FLG: variants seen among roughly 807,000 people sequenced by gnomAD.
The protein encoded by FLG is filaggrin.
FLG carries 6 observed loss-of-function variants against 3.8 expected under a neutral mutation model. That is an observed-to-expected ratio of 1.60 (90% CI 0.87 to 3.15). FLG has a LOEUF of 3.15. Ranked by LOEUF, FLG falls within the 30% of genes most tolerant of loss-of-function variation. The probability of loss-of-function intolerance (pLI) is 0.00; values close to 1 mark genes in which losing one functional copy is unlikely to be tolerated. For synonymous variants in FLG, 2,551 were observed against 1,931.6 expected (o/e 1.32, Z -8.41); for missense variants, 7,595 against 5,050.9 (o/e 1.50, Z -15.27).
chr1:152,304,806 C>G lies in FLG; in HGVS notation c.10080G>C (p.Gln3360His). ...SDTQSVSGHG[Q>H]AGPHQQSHQE... ...GGTGGCTCTGCTGATGGGGCCCAGC[C>G]TGTCCATGGCCTGACACTGACTGTG... The change falls in exon 3 of 3, where the codon CAG becomes CAC. Residue 3360 changes from glutamine (Q) to histidine (H), a missense_variant. By Grantham distance (24) the Gln-to-His change is conservative (BLOSUM62 0). Transcript: ENST00000368799. The G allele has an allele frequency of 6.2e-7, 1 of 1,613,946 alleles. No individual in the cohort carries two copies.
At position 152,308,016 on chromosome 1, in the gene FLG, G is replaced by C. The variant is rs111307972; in HGVS notation, c.6870C>G (p.Ala2290=). The C allele has an allele frequency of 6.2e-7, 1 of 1,614,018 alleles. No individual in the cohort carries two copies. Among genetic ancestry groups the C allele is most frequent in the Non-Finnish European group, 8.5e-7 (1 of 1,180,014 alleles). ...RHPRSHHEDR[A]GHGHSAESSR... ...AGCTCTCTGCAGAGTGCCCATGACC[G>C]GCTCTGTCTTCGTGATGGGACCTGG... Residue 2290 remains alanine, a synonymous_variant, in exon 3 of 3, where the codon GCC becomes GCG. Transcript: ENST00000368799.
intron 1 of FLG, among the ~76,000 whole-genome samples, chr1:152,324,177 T>G (rs942882539): frequency 6.6e-6 from 1 of 151,920 alleles, no homozygotes; most frequent in African/African-American, 2.4e-5. Flanking sequence ...TCCCTGCTCC[T>G]GCTCTTGCCT....
intron 1 of FLG, among the ~76,000 whole-genome samples, chr1:152,321,184 A>G (rs1364946591): frequency 6.6e-6 from 1 of 150,542 alleles, no homozygotes; most frequent in Non-Finnish European, 1.5e-5. Context: ...ATCATTTTTT[A>G]TGTGTGAATC....
At position 152,306,480 on chromosome 1, in the gene FLG, G is replaced by A. The variant is rs137870179; in HGVS notation, c.8406C>T (p.His2802=). 989 of 1,608,380 alleles carry A rather than the reference G, an allele frequency of 6.1e-4. 1 individual carries two copies. In the East Asian group the frequency reaches 0.011, roughly 18 times the overall value. ...SSRGGRQGYH[H]EHSVDSSGHS... The stretch of plus-strand genomic sequence containing the variant: ...GTCCAGAGCTATCTACCGAATGCTC[G>A]TGGTGGTACCCCTGCCTTCCTCCTC... Residue 2802 remains histidine (H), a synonymous_variant, in exon 3 of 3, where the codon CAC becomes CAT. Coordinates refer to ENST00000368799, the MANE Select transcript of FLG (RefSeq NM_002016.2).
In FLG at chr1:152,305,378, G is replaced by C; in HGVS notation, c.9508C>G (p.Gln3170Glu). The change falls in exon 3 of 3, where the codon CAA (glutamine) becomes GAA (glutamate). Residue 3170 changes from glutamine (Q) to glutamate (E), a missense_variant. Coordinates refer to ENST00000368799, the MANE Select transcript of FLG (RefSeq NM_002016.2). ...SASRTTRNEE[Q>E]SGDSSRHSVS... ...GAGTGCCTGGAGCTGTCTCCTGATTGTTCCTCATTACGTGTTGTTCTGCTT... is the reference window on the plus strand; with the variant it reads ...GAGTGCCTGGAGCTGTCTCCTGATTCTTCCTCATTACGTGTTGTTCTGCTT... 6.2e-7 allele frequency: 1 copy of C among 1,607,988 alleles called. No homozygotes were observed. Among genetic ancestry groups the C allele is most frequent in the Non-Finnish European group, 8.5e-7 (1 of 1,179,200 alleles).
rs1173274689 is a variant in FLG at position 152,308,715 on chromosome 1, C to T, written c.6171G>A (p.Gln2057=). The T allele has an allele frequency of 1.9e-6, 3 of 1,614,152 alleles. No individual in the cohort carries two copies. The highest frequency in any genetic ancestry group is 2.2e-5 in the South Asian group (2 of 91,078). The change falls in exon 3 of 3, where the codon CAG becomes CAA. Residue 2057 remains glutamine, a synonymous_variant. Transcript: ENST00000368799. ...SEGHSEDSDT[Q]SVSAQGKAGP... is the part of the protein sequence containing the mutation. ...CAGCTTTTCCCTGTGCTGACACTGACTGTGTGTCTGAGTCTTCTGAATGTC... is the reference window on the plus strand; with the variant it reads ...CAGCTTTTCCCTGTGCTGACACTGATTGTGTGTCTGAGTCTTCTGAATGTC...
Position 152,311,965 on chromosome 1 carries a change from G to A in FLG, c.2921C>T (p.Ala974Val), listed in dbSNP as rs143643121. 3.3e-4 allele frequency: 539 copies of A among 1,614,006 alleles called. 3 individuals carry two copies. In the East Asian group the frequency reaches 5.8e-3, roughly 17 times the overall value. Residue 974 changes from alanine (A) to valine (V), a missense_variant, in exon 3 of 3, where the codon GCT becomes GTT. Ala to Val is a moderately conservative substitution (Grantham distance 64). Transcript: ENST00000368799. Reference sequence around the variant, plus strand: ...GGAGCCATGTCTTGACTGCTCCTGAGCAGATCCACGATGGTTTCTGGAAGC... The same window carrying A: ...GGAGCCATGTCTTGACTGCTCCTGAACAGATCCACGATGGTTTCTGGAAGC... The part of the protein sequence containing the change: ...GSASRNHRGS[A>V]QEQSRHGSRH...
intron 1 of FLG, among the ~76,000 whole-genome samples, chr1:152,320,375 G>A (rs1173371813): frequency 6.6e-6 from 1 of 150,718 alleles, no homozygotes; most frequent in Non-Finnish European, 1.5e-5. Context: ...GCTTATAAGA[G>A]ACACACATAA....
chr1:152,308,734 G>A lies in FLG; in HGVS notation c.6152C>T (p.Ser2051Leu). 6.2e-7 allele frequency: 1 copy of A among 1,614,108 alleles called. No individual in the cohort carries two copies. Reference sequence around the variant, plus strand: ...CACTGACTGTGTGTCTGAGTCTTCTGAATGTCCCTCACTGTCACTGGCCTG... The same window carrying A: ...CACTGACTGTGTGTCTGAGTCTTCTAAATGTCCCTCACTGTCACTGGCCTG... Reference protein sequence around the residue: ...GSQASDSEGHSEDSDTQSVSA... With the variant: ...GSQASDSEGHLEDSDTQSVSA... The change falls in exon 3 of 3, where the codon TCA becomes TTA. Residue 2051 changes from serine (S) to leucine (L), a missense_variant. Physicochemically the swap from Ser to Leu is moderately radical, Grantham distance 145. Coordinates refer to ENST00000368799, the MANE Select transcript of FLG (RefSeq NM_002016.2).
At position 152,312,167 on chromosome 1, in the gene FLG, T is replaced by C. The variant is rs1272760270; in HGVS notation, c.2719A>G (p.Arg907Gly). The change falls in exon 3 of 3, where the codon AGG becomes GGG. Residue 907 changes from arginine to glycine, a missense_variant. Coordinates refer to ENST00000368799, the MANE Select transcript of FLG (RefSeq NM_002016.2). Reference sequence around the variant, plus strand: ...TCATGGTGACGTGACCCTGAGTGCCTGGAGCCGTCTCTTGATTGTTCCTCA... The same window carrying C: ...TCATGGTGACGTGACCCTGAGTGCCCGGAGCCGTCTCTTGATTGTTCCTCA... ...RNEEQSRDGSRHSGSRHHEAS... is the reference protein window; with the variant it reads ...RNEEQSRDGSGHSGSRHHEAS... 3 of 1,614,038 alleles carry C rather than the reference T, an allele frequency of 1.9e-6. No homozygotes were observed. The highest frequency in any genetic ancestry group is 2.5e-6 in the Non-Finnish European group (3 of 1,180,014).
chr1:152,316,052 A>C (rs934539783), intron 1 of FLG, among the ~76,000 whole-genome samples: 1 of 152,160 alleles, frequency 6.6e-6, no homozygotes, highest in Non-Finnish European at 1.5e-5. Context: ...GGTTTTTCTG[A>C]CTGGGTTTCA....
At position 152,304,487 on chromosome 1, in the gene FLG, T is replaced by A. The variant is rs772976523; in HGVS notation, c.10399A>T (p.Thr3467Ser). ...GCATCAGACCTTCCCTGGGATGTGG[T>A]GTGGCTGTGATGGGACCCTGAGTGT... ...SGHSGSHHSH[T>S]TSQGRSDASR... Residue 3467 changes from threonine (T) to serine (S), a missense_variant, in exon 3 of 3, where the codon ACC (threonine) becomes TCC (serine). Coordinates refer to ENST00000368799, the MANE Select transcript of FLG (RefSeq NM_002016.2). 2.5e-6 allele frequency: 4 copies of A among 1,612,876 alleles called. 1 individual carries two copies. The South Asian group carries it at 4.4e-5, about 18-fold the overall frequency.
chr1:152,311,631 T>A lies in FLG; in HGVS notation c.3255A>T (p.Ser1085=). 6.2e-7 allele frequency: 1 copy of A among 1,614,132 alleles called. No homozygotes were observed. Among genetic ancestry groups the A allele is most frequent in the Non-Finnish European group, 8.5e-7 (1 of 1,180,022 alleles). Residue 1085 remains serine, a synonymous_variant, in exon 3 of 3, where the codon TCA becomes TCT. Transcript: ENST00000368799. ...GCCCATCCTGTCCATGGCCTGACAC[T>A]GACTGTGTGTCTGACTCCTCTGAAT... ...EGHSEESDTQ[S]VSGHGQDGPH...
At position 152,311,137 on chromosome 1, in the gene FLG, G is replaced by A. The variant is rs202210328; in HGVS notation, c.3749C>T (p.Ser1250Leu). The stretch of plus-strand genomic sequence containing the variant: ...CGATGATTGTTCCTGTCCCACCTGT[G>A]AGTGTCTAGAGCTGTCAGCCCAAGA... Reference protein sequence around the residue: ...AASWADSSRHSQVGQEQSSGS... With the variant: ...AASWADSSRHLQVGQEQSSGS... The change falls in exon 3 of 3, where the codon TCA (serine) becomes TTA (leucine). Residue 1250 changes from serine to leucine, a missense_variant. Transcript: ENST00000368799. 1.2e-6 allele frequency: 2 copies of A among 1,613,872 alleles called. No individual in the cohort carries two copies. Among genetic ancestry groups the A allele is most frequent in the Non-Finnish European group, 8.5e-7 (1 of 1,179,988 alleles).
At position 152,313,490 on chromosome 1, in the gene FLG, C is replaced by A. The variant is rs1460044932; in HGVS notation, c.1396G>T (p.Gly466Trp). ...GRSGERSGRS[G>W]SSLYQVSTHE... ...GTGCTCACCTGGTAGAGGGAAGACC[C>A]TGAACGTCCAGACCGTTCCCCTGAC... The change falls in exon 3 of 3, where the codon GGG (glycine) becomes TGG (tryptophan). Residue 466 changes from glycine (G) to tryptophan (W), a missense_variant. Gly to Trp is a radical substitution (Grantham distance 184). Coordinates refer to ENST00000368799, the MANE Select transcript of FLG (RefSeq NM_002016.2). The A allele has an allele frequency of 6.2e-7, 1 of 1,613,880 alleles. No homozygotes were observed. Among genetic ancestry groups the A allele is most frequent in the East Asian group, 2.2e-5 (1 of 44,820 alleles).
At chr1:152,324,494 C>A (rs536153750) in intron 1 of FLG, among the ~76,000 whole-genome samples, 1 of 151,894 alleles carries the variant, frequency 6.6e-6, no homozygotes, top group East Asian at 1.9e-4. Context: ...TGTTTAAGAT[C>A]TCAACTCAAA....
chr1:152,309,999 G>C lies in FLG; in HGVS notation c.4887C>G (p.Gly1629=), dbSNP rs781750228. ...CTTGATGGGACCTGGGGTTCCTGGA[G>C]CCATGTCTTGACTGCTCCCGAGCAG... ...YGSAREQSRH[G]SRNPRSHQED... Residue 1629 remains glycine (G), a synonymous_variant, in exon 3 of 3, where the codon GGC becomes GGG. Transcript: ENST00000368799. The C allele has an allele frequency of 1.9e-6, 3 of 1,613,964 alleles. No homozygotes were observed. The highest frequency in any genetic ancestry group is 2.5e-6 in the Non-Finnish European group (3 of 1,180,006).
rs1428563877 is a variant in FLG, at chr1:152,307,937, A to G, written c.6949T>C (p.Ser2317Pro). Residue 2317 changes from serine (S) to proline (P), a missense_variant, in exon 3 of 3, where the codon TCA becomes CCA. Ser to Pro is a moderately conservative substitution (Grantham distance 74). Coordinates refer to ENST00000368799, the MANE Select transcript of FLG (RefSeq NM_002016.2). ...CTTGATCTTGCCTGTTCATGGGATG[A>G]TGCAGCCTGTCCACCAGAGGAATTC... ...AENSSGGQAA[S>P]SHEQARSSAG... 2 of 1,613,770 alleles carry G rather than the reference A, an allele frequency of 1.2e-6. No homozygotes were observed. The highest frequency in any genetic ancestry group is 3.3e-5 in the Admixed American group (2 of 59,998).
In FLG at chr1:152,310,804, T is replaced by G; in HGVS notation, c.4082A>C (p.His1361Pro). 1 of 1,612,020 alleles carries G rather than the reference T, an allele frequency of 6.2e-7. No individual in the cohort carries two copies. Among genetic ancestry groups the G allele is most frequent in the Non-Finnish European group, 8.5e-7 (1 of 1,179,166 alleles). ...SSPGERHGSR[H>P]QQSADSSRHS... is the part of the protein sequence containing the mutation. ...TCTGGAGCTGTCTGCTGACTGCTGG[T>G]GGCGGGATCCATGTCTTTCTCCTGG... is the stretch of plus-strand genomic sequence containing the variant. The change falls in exon 3 of 3, where the codon CAC becomes CCC. Residue 1361 changes from histidine to proline, a missense_variant. Physicochemically the swap from His to Pro is moderately conservative, Grantham distance 77. Coordinates refer to ENST00000368799, the MANE Select transcript of FLG (RefSeq NM_002016.2).
Sources: gnomAD v4.1 joint callset for allele counts (sites outside exome capture counted in the v4.1 genomes callset) on GRCh38, gnomAD v4.1.1 for gene constraint, MANE v1.5 for transcripts, NCBI Gene and HGNC (gene_info 2026-07-23, HGNC 2026-07-21) for gene names.